Variants in OTUD7B observed in about 807,000 individuals in gnomAD.
OTUD7B encodes the protein OTU deubiquitinase 7B.
In OTUD7B, 34 loss-of-function variants were observed where a neutral mutation model predicts 82.2. The observed-to-expected ratio is 0.41, with a 90% confidence interval of 0.31 to 0.55. OTUD7B has a LOEUF of 0.55. Among genes scored for constraint, OTUD7B ranks in the 20% least tolerant of loss-of-function variants. The pLI is 0.20. For missense variants in OTUD7B, 944 were observed against 1,062.1 expected (o/e 0.89, Z 1.55); for synonymous variants, 398 against 402.7 (o/e 0.99, Z 0.14).
chr1:149,994,918 G>T (rs1280390125), intron 1 of OTUD7B, among the ~76,000 whole-genome samples: 1 of 152,134 alleles, frequency 6.6e-6, no homozygotes, highest in African/African-American at 2.4e-5. Flanking sequence ...TAAATGCTAG[G>T]TCTAATTGAT....
chr1:149,974,239 T>C (rs1488248231), intron 2 of OTUD7B, among the ~76,000 whole-genome samples: 3 of 152,172 alleles, frequency 2.0e-5, no homozygotes, highest in African/African-American at 4.8e-5. Flanking sequence ...CTAAGTTTTT[T>C]GTATTTTTCC....
chr1:150,002,345 G>A (rs1652350055), intron 1 of OTUD7B, among the ~76,000 whole-genome samples: 1 of 152,102 alleles, frequency 6.6e-6, no homozygotes, highest in African/African-American at 2.4e-5. Flanking sequence ...ATAAAGACAT[G>A]CAACAAAACA....
At chr1:149,956,561 C>G (rs1183417497) in intron 7 of OTUD7B, among the ~76,000 whole-genome samples, 5 of 152,120 alleles carry the variant, frequency 3.3e-5, no homozygotes, top group Non-Finnish European at 7.3e-5. Flanking sequence ...TCTGTATTCC[C>G]TGAATTTGAA....
Position 149,949,558 on chromosome 1 carries a change from C to T in OTUD7B, c.1123+71G>A. The T allele has an allele frequency of 7.4e-6, 11 of 1,494,484 alleles. No individual in the cohort carries two copies. In the South Asian group the frequency reaches 1.3e-4, roughly 18 times the overall value. The allele number at this position is 1,494,484 out of a possible 1,614,324, so 92.6% of individuals were successfully genotyped here. ...GGCTTGCATGTCACTTAATTCTTTC[C>T]TCCTACATTAGATCTCATTCAATTT... On this transcript the variant is annotated intron_variant, in intron 9 of 11. Coordinates refer to ENST00000581312, the MANE Select transcript of OTUD7B (RefSeq NM_020205.4).
chr1:149,976,406 G>A (rs1429697096), intron 2 of OTUD7B, among the ~76,000 whole-genome samples: 1 of 151,842 alleles, frequency 6.6e-6, no homozygotes, highest in East Asian at 1.9e-4. Flanking sequence ...GAGGTCGGGA[G>A]TTCGAGACCA....
rs1029497512 is a variant in OTUD7B at position 149,942,617 on chromosome 1, A to T, written c.*1240T>A. The T allele has an allele frequency of 6.5e-6, 1 of 152,718 alleles. No homozygotes were observed. Among genetic ancestry groups the T allele is most frequent in the East Asian group, 1.9e-4 (1 of 5,192 alleles). 9.5% of individuals were successfully genotyped at this position (152,718 alleles called of 1,614,324 possible). A position where few individuals can be genotyped will look rare whatever the true frequency, so the allele number is the denominator to read the frequency against. On this transcript the variant is annotated 3_prime_UTR_variant, in exon 12 of 12. Coordinates refer to ENST00000581312, the MANE Select transcript of OTUD7B (RefSeq NM_020205.4). ...TTTATAAATTGCCCCTATATGTTTC[A>T]ACATCAGTCCTAATATCAAAAATAT...
At chr1:150,020,634 T>C in the OTUD7B span, among the ~76,000 whole-genome samples, 8,504 of 152,278 alleles carry the variant, frequency 0.056, 315 homozygotes, top group Non-Finnish European at 0.088. Flanking sequence ...GAGGTAGTCC[T>C]ATTTAAAATT....
intron 4 of OTUD7B, among the ~76,000 whole-genome samples, chr1:149,966,105 T>G (rs1328769525): frequency 1.3e-5 from 2 of 152,250 alleles, no homozygotes; most frequent in Admixed American, 6.5e-5. Context: ...AAAGGGACAC[T>G]GGCAATGACT....
intron 1 of OTUD7B, among the ~76,000 whole-genome samples, chr1:149,996,818 T>C (rs587615321): frequency 8.5e-5 from 13 of 152,274 alleles, no homozygotes; most frequent in East Asian, 1.9e-4. Context: ...TCAGAAGTTA[T>C]GACAGACGAG....
intron 9 of OTUD7B, among the ~76,000 whole-genome samples, chr1:149,949,293 C>CA (rs1266621083): frequency 6.6e-6 from 1 of 152,180 alleles, no homozygotes; most frequent in Non-Finnish European, 1.5e-5. Flanking sequence ...CCTGAGTCCC[C>CA]ACCAGTCAGT....
At chr1:149,970,520 T>G (rs1553777408) in intron 3 of OTUD7B, among the ~76,000 whole-genome samples, 1 of 151,992 alleles carries the variant, frequency 6.6e-6, no homozygotes, top group Non-Finnish European at 1.5e-5. Flanking sequence ...GGTTTTACCA[T>G]GTTGGCCAGA....
chr1:150,061,909 C>G, the OTUD7B span, among the ~76,000 whole-genome samples: 2 of 152,212 alleles, frequency 1.3e-5, no homozygotes, highest in African/African-American at 4.8e-5. Context: ...CCTACATACT[C>G]CTTCCAGATC....
the OTUD7B span, among the ~76,000 whole-genome samples, chr1:150,046,004 T>A: frequency 6.6e-6 from 1 of 152,240 alleles, no homozygotes; most frequent in East Asian, 1.9e-4. Context: ...TAAGAGTTTA[T>A]TGAACCATTA....
At chr1:149,971,573 GCCCAAAGTCACAGCTAGTTCACACCAGA>G (rs1484136964) in intron 2 of OTUD7B, among the ~76,000 whole-genome samples, 1 of 151,998 alleles carries the variant, frequency 6.6e-6, no homozygotes, top group African/African-American at 2.4e-5. Flanking sequence ...TAAATTATTT[GCCCAAAGTCACAGCTAGTTCACACCAGA>G]CCCAGCAGGA....
intron 1 of OTUD7B, among the ~76,000 whole-genome samples, chr1:149,988,942 T>C (rs1050335711): frequency 9.2e-5 from 14 of 152,232 alleles, no homozygotes; most frequent in Non-Finnish European, 5.9e-5. Flanking sequence ...ACTATCTCTC[T>C]AGAATCAATT....
chr1:149,947,643 A>G (rs1488184775), intron 10 of OTUD7B, among the ~76,000 whole-genome samples: 2 of 152,322 alleles, frequency 1.3e-5, no homozygotes, highest in East Asian at 3.9e-4. Flanking sequence ...GATAGTAGCC[A>G]TTATCATTGT....
chr1:150,060,983 C>G, the OTUD7B span, among the ~76,000 whole-genome samples: 1 of 151,956 alleles, frequency 6.6e-6, no homozygotes, highest in African/African-American at 2.4e-5. Flanking sequence ...TGCAGTGGAA[C>G]GTTCATGGCT....
upstream of OTUD7B, among the ~76,000 whole-genome samples, chr1:150,013,282 T>C (rs2101963622): frequency 6.6e-6 from 1 of 152,294 alleles, no homozygotes; most frequent in Non-Finnish European, 1.5e-5. Context: ...CTCCCTGAGC[T>C]TTTACATCAC....
At chr1:150,057,839 C>T in the OTUD7B span, among the ~76,000 whole-genome samples, 1,994 of 152,246 alleles carry the variant, frequency 0.013, 38 homozygotes, top group African/African-American at 0.043. Flanking sequence ...AATCCTTACT[C>T]TAAGAATGTA....
Sources: gnomAD v4.1 joint callset for allele counts (sites outside exome capture counted in the v4.1 genomes callset) on GRCh38, gnomAD v4.1.1 for gene constraint, MANE v1.5 for transcripts, NCBI Gene and HGNC (gene_info 2026-07-23, HGNC 2026-07-21) for gene names.